KCNQ1OT1: variants seen among roughly 807,000 people sequenced by gnomAD.
KCNQ1OT1 encodes the protein KCNQ1 antisense RNA 2 (non-protein coding).
At chr11:2,697,565 C>A (rs1010961908) in exon 1 of KCNQ1OT1, 8 of 398,620 alleles carry the variant, frequency 2.0e-5, no homozygotes, top group Non-Finnish European at 3.1e-5. Context: ...TACTCCACTA[C>A]CCCAAAATCA....
At position 2,626,355 on chromosome 11, in the gene KCNQ1OT1, A is replaced by G. The variant is rs1849262283; in HGVS notation, n.73640T>C. 2.5e-6 allele frequency: 1 copy of G among 398,582 alleles called. No individual in the cohort carries two copies. Among genetic ancestry groups the G allele is most frequent in the Non-Finnish European group, 4.4e-6 (1 of 226,080 alleles). The allele number at this position is 398,582 out of a possible 1,614,324, so 24.7% of individuals were successfully genotyped here. On this transcript the variant is annotated non_coding_transcript_exon_variant, in exon 1 of 1. Transcript: ENST00000597346. This position sits in a 1 kb window ranked among gnomAD's most constrained non-coding sequence, Gnocchi z 4.0. ...GGGTCTCAACTTCAGTTATCCTGGC[A>G]CCATTTGTTGAAAATACAGCACTTT...
chr11:2,661,003 T>A lies in KCNQ1OT1; in HGVS notation n.38992A>T. The A allele has an allele frequency of 2.5e-6, 1 of 398,576 alleles. No homozygotes were observed. The highest frequency in any genetic ancestry group is 4.4e-6 in the Non-Finnish European group (1 of 226,060). 24.7% of individuals were successfully genotyped at this position (398,576 alleles called of 1,614,324 possible). On this transcript the variant is annotated non_coding_transcript_exon_variant, in exon 1 of 1. Coordinates refer to ENST00000597346, the Ensembl canonical transcript of KCNQ1OT1. The surrounding 1 kb of genome is among the most constrained non-coding windows in gnomAD (Gnocchi z 5.9). ...TTATGTAATGACTAAAATAATTAAA[T>A]CCATGCCTATATACCTAGAGAAAAA...
Position 2,670,911 on chromosome 11 carries a change from C to T in KCNQ1OT1, n.29084G>A. ...GGATTGCCTGGACAAGGCTGACCTG[C>T]CCTCCCAGGATGCAAATTGGCAGGC... On this transcript the variant is annotated non_coding_transcript_exon_variant, in exon 1 of 1. Coordinates refer to ENST00000597346, the Ensembl canonical transcript of KCNQ1OT1. The surrounding 1 kb of genome is among the most constrained non-coding windows in gnomAD (Gnocchi z 4.9). 2.5e-6 allele frequency: 1 copy of T among 398,650 alleles called. No individual in the cohort carries two copies. The allele number at this position is 398,650 out of a possible 1,614,324, so 24.7% of individuals were successfully genotyped here.
exon 1 of KCNQ1OT1, chr11:2,609,647 T>C: frequency 2.5e-6 from 1 of 398,412 alleles, no homozygotes; most frequent in Non-Finnish European, 4.4e-6. Flanking sequence ...TATTGTTGAA[T>C]TGGCTATTTC....
At chr11:2,632,945 T>C (rs1304183904) in exon 1 of KCNQ1OT1, 1 of 398,396 alleles carries the variant, frequency 2.5e-6, no homozygotes, top group East Asian at 3.6e-5. Context: ...GGTAGTGGAT[T>C]GTCAAACTGT....
Position 2,608,354 on chromosome 11 carries a change from T to G in KCNQ1OT1, n.91641A>C. On this transcript the variant is annotated non_coding_transcript_exon_variant, in exon 1 of 1. Coordinates refer to ENST00000597346, the Ensembl canonical transcript of KCNQ1OT1. This position sits in a 1 kb window ranked among gnomAD's most constrained non-coding sequence, Gnocchi z 4.6. ...AGTCAGTTTTCATAGTTTTCATCTTTCTAGGAATTTGTCAATTTCATCTAA... is the reference window on the plus strand; with the variant it reads ...AGTCAGTTTTCATAGTTTTCATCTTGCTAGGAATTTGTCAATTTCATCTAA... 1 of 398,628 alleles carries G rather than the reference T, an allele frequency of 2.5e-6. No individual in the cohort carries two copies. The allele number at this position is 398,628 out of a possible 1,614,324, so 24.7% of individuals were successfully genotyped here.
In KCNQ1OT1 at chr11:2,617,857, C is replaced by T. The variant is rs1249666063; in HGVS notation, n.82138G>A. Reference sequence around the variant, plus strand: ...CTTTGCAAAAATGTCTACTCAGTTCCACTGCCCATTTTTTAATTGGGTTAT... The same window carrying T: ...CTTTGCAAAAATGTCTACTCAGTTCTACTGCCCATTTTTTAATTGGGTTAT... On this transcript the variant is annotated non_coding_transcript_exon_variant, in exon 1 of 1. Coordinates refer to ENST00000597346, the Ensembl canonical transcript of KCNQ1OT1. The surrounding 1 kb of genome is among the most constrained non-coding windows in gnomAD (Gnocchi z 4.6). The T allele has an allele frequency of 2.5e-6, 1 of 398,480 alleles. No individual in the cohort carries two copies. The highest frequency in any genetic ancestry group is 4.4e-6 in the Non-Finnish European group (1 of 226,012). The allele number at this position is 398,480 out of a possible 1,614,324, so 24.7% of individuals were successfully genotyped here.
At position 2,658,338 on chromosome 11, in the gene KCNQ1OT1, T is replaced by C. The variant is rs1437904911; in HGVS notation, n.41657A>G. The C allele has an allele frequency of 2.5e-6, 1 of 398,526 alleles. No homozygotes were observed. 24.7% of individuals were successfully genotyped at this position (398,526 alleles called of 1,614,324 possible). ...TTGTCCCTCTCCTCCAATTGTTTAT[T>C]TAATTTTATCAGTGTGGATTTGGGA... is the stretch of plus-strand genomic sequence containing the variant. On this transcript the variant is annotated non_coding_transcript_exon_variant, in exon 1 of 1. Coordinates refer to ENST00000597346, the Ensembl canonical transcript of KCNQ1OT1. The surrounding 1 kb of genome is among the most constrained non-coding windows in gnomAD (Gnocchi z 4.9).
At position 2,626,175 on chromosome 11, in the gene KCNQ1OT1, T is replaced by C. The variant is rs1286104823; in HGVS notation, n.73820A>G. On this transcript the variant is annotated non_coding_transcript_exon_variant, in exon 1 of 1. Coordinates refer to ENST00000597346, the Ensembl canonical transcript of KCNQ1OT1. The surrounding 1 kb of genome is among the most constrained non-coding windows in gnomAD (Gnocchi z 4.0). ...AAAGTTTTTCCCCTATGTTTCCTTA[T>C]AAGACTTCATAGTTTTAGGACTTTG... 1 of 398,510 alleles carries C rather than the reference T, an allele frequency of 2.5e-6. No individual in the cohort carries two copies. Among genetic ancestry groups the C allele is most frequent in the African/African-American group, 2.1e-5 (1 of 48,638 alleles). 24.7% of individuals were successfully genotyped at this position (398,510 alleles called of 1,614,324 possible). A position where few individuals can be genotyped will look rare whatever the true frequency, so the allele number is the denominator to read the frequency against.
At chr11:2,650,759 G>T (rs983141099) in exon 1 of KCNQ1OT1, 6 of 398,614 alleles carry the variant, frequency 1.5e-5, no homozygotes, top group Admixed American at 8.8e-5. Flanking sequence ...CTACCCACAG[G>T]CAATTTGAAG....
At chr11:2,694,320 C>T (rs1850637121) in exon 1 of KCNQ1OT1, 1 of 398,674 alleles carries the variant, frequency 2.5e-6, no homozygotes, top group Non-Finnish European at 4.4e-6. Flanking sequence ...AAGTGGTTGT[C>T]ATCTGCGGTG....
exon 1 of KCNQ1OT1, chr11:2,637,961 T>C (rs1355237224): frequency 6.6e-6 from 1 of 152,240 alleles, no homozygotes; most frequent in African/African-American, 2.4e-5. Context: ...TTGATCTTTA[T>C]TGGTTTAAAG....
At chr11:2,641,341 C>G (rs1849573451) in exon 1 of KCNQ1OT1, 1 of 398,134 alleles carries the variant, frequency 2.5e-6, no homozygotes, top group African/African-American at 2.1e-5. Flanking sequence ...TTTAAAATAG[C>G]CATTCTCACT....
At chr11:2,688,591 G>T in exon 1 of KCNQ1OT1, 1 of 398,724 alleles carries the variant, frequency 2.5e-6, no homozygotes, top group South Asian at 1.3e-4. Context: ...CTCGCTCACT[G>T]AGGCCAGGCA....
chr11:2,625,988 G>C (rs1180425400), exon 1 of KCNQ1OT1: 1 of 398,404 alleles, frequency 2.5e-6, no homozygotes, highest in Non-Finnish European at 4.4e-6. Context: ...CCATTCTGTA[G>C]GTTGTCTTAT....
Position 2,612,133 on chromosome 11 carries a change from G to A in KCNQ1OT1, n.87862C>T. The stretch of plus-strand genomic sequence containing the variant: ...ACCCCAGGGCCATGGACTGGTACCA[G>A]TCTGTGGCCTATTAGAAACTGGGCT... On this transcript the variant is annotated non_coding_transcript_exon_variant, in exon 1 of 1. Transcript: ENST00000597346. The surrounding 1 kb of genome is among the most constrained non-coding windows in gnomAD (Gnocchi z 5.5). 1 of 398,672 alleles carries A rather than the reference G, an allele frequency of 2.5e-6. No homozygotes were observed. The highest frequency in any genetic ancestry group is 4.4e-6 in the Non-Finnish European group (1 of 226,076). The allele number at this position is 398,672 out of a possible 1,614,324, so 24.7% of individuals were successfully genotyped here.
Position 2,617,101 on chromosome 11 carries a change from T to A in KCNQ1OT1, n.82894A>T, listed in dbSNP as rs1849079629. 2.5e-6 allele frequency: 1 copy of A among 398,274 alleles called. No individual in the cohort carries two copies. Among genetic ancestry groups the A allele is most frequent in the Admixed American group, 4.4e-5 (1 of 22,708 alleles). 24.7% of individuals were successfully genotyped at this position (398,274 alleles called of 1,614,324 possible). A position where few individuals can be genotyped will look rare whatever the true frequency, so the allele number is the denominator to read the frequency against. On this transcript the variant is annotated non_coding_transcript_exon_variant, in exon 1 of 1. Transcript: ENST00000597346. This position sits in a 1 kb window ranked among gnomAD's most constrained non-coding sequence, Gnocchi z 4.6. ...TGTGTATGAGTGAGAAAAGCTATGATCTACTCAATTGGCAAAAATTCCAAA... is the reference window on the plus strand; with the variant it reads ...TGTGTATGAGTGAGAAAAGCTATGAACTACTCAATTGGCAAAAATTCCAAA...
At chr11:2,619,036 T>A (rs1292598787) in exon 1 of KCNQ1OT1, 1 of 398,360 alleles carries the variant, frequency 2.5e-6, no homozygotes, top group East Asian at 3.6e-5. Flanking sequence ...ATCCTACAAC[T>A]TTACTGAACT....
chr11:2,670,582 C>T lies in KCNQ1OT1; in HGVS notation n.29413G>A. ...TATCACTGGGAGATAGGAGCAGAAG[C>T]CAGGGCTCATTCCCAGACACACAAT... On this transcript the variant is annotated non_coding_transcript_exon_variant, in exon 1 of 1. Coordinates refer to ENST00000597346, the Ensembl canonical transcript of KCNQ1OT1. This position sits in a 1 kb window ranked among gnomAD's most constrained non-coding sequence, Gnocchi z 4.9. 2.5e-6 allele frequency: 1 copy of T among 398,168 alleles called. No individual in the cohort carries two copies. Among genetic ancestry groups the T allele is most frequent in the Non-Finnish European group, 4.4e-6 (1 of 225,988 alleles). 24.7% of individuals were successfully genotyped at this position (398,168 alleles called of 1,614,324 possible). A position where few individuals can be genotyped will look rare whatever the true frequency, so the allele number is the denominator to read the frequency against.
Sources: gnomAD v4.1 joint callset for allele counts on GRCh38, gnomAD v4.1.1 for gene constraint, Gnocchi (gnomAD v3.1) non-coding constraint, MANE v1.5 for transcripts, NCBI Gene and HGNC (gene_info 2026-07-23, HGNC 2026-07-21) for gene names.